CST4: variants seen among roughly 807,000 people sequenced by gnomAD.
CST4 encodes cystatin S.
Under a neutral mutation model 11.2 loss-of-function variants are expected in CST4, and 17 were observed. That is an observed-to-expected ratio of 1.52 (90% CI 1.04 to 2.27). The LOEUF is 2.27. CST4 is among the 30% of genes most tolerant of loss of function. CST4 has a pLI of 0.00. For missense variants in CST4, 251 were observed against 180.2 expected (o/e 1.39, Z -2.25); for synonymous variants, 93 against 70.1 (o/e 1.33, Z -1.63).
intron 2 of CST4, among the ~76,000 whole-genome samples, chr20:23,686,446 C>T (rs1403578102): frequency 6.6e-6 from 1 of 152,182 alleles, no homozygotes; most frequent in Non-Finnish European, 1.5e-5. Flanking sequence ...GGAGACCTCA[C>T]AAGAACCAGC....
At position 23,685,879 on chromosome 20, in the gene CST4, G is replaced by C. The variant is rs771517674; in HGVS notation, c.*15C>G. 15 of 1,613,270 alleles carry C rather than the reference G, an allele frequency of 9.3e-6. No individual in the cohort carries two copies. In the African/African-American group the frequency reaches 1.7e-4, roughly 19 times the overall value. On this transcript the variant is annotated 3_prime_UTR_variant, in exon 3 of 3. Coordinates refer to ENST00000217423, the MANE Select transcript of CST4 (RefSeq NM_001899.3). Reference sequence around the variant, plus strand: ...GAGTGGGTGGTGGTCGGTGTGACTGGCCTGGCACAGACCCCTAGGCTTCTT... The same window carrying C: ...GAGTGGGTGGTGGTCGGTGTGACTGCCCTGGCACAGACCCCTAGGCTTCTT...
At chr20:23,687,859 G>T (rs1282863622) in intron 1 of CST4, among the ~76,000 whole-genome samples, 2 of 152,188 alleles carry the variant, frequency 1.3e-5, no homozygotes, top group Admixed American at 6.5e-5. Context: ...CTGATGGTCT[G>T]CAATGCCCTG....
At chr20:23,686,866 G>T in intron 2 of CST4, among the ~76,000 whole-genome samples, 1 of 151,620 alleles carries the variant, frequency 6.6e-6, no homozygotes, top group Non-Finnish European at 1.5e-5. Context: ...ACACCTACCC[G>T]CACACACTGG....
chr20:23,688,883 T>C lies in CST4; in HGVS notation c.87A>G (p.Ile29Met). The C allele has an allele frequency of 6.2e-7, 1 of 1,614,142 alleles. No homozygotes were observed. Among genetic ancestry groups the C allele is most frequent in the Non-Finnish European group, 8.5e-7 (1 of 1,180,012 alleles). ...LASSSKEENRIIPGGIYDADL... is the reference protein window; with the variant it reads ...LASSSKEENRMIPGGIYDADL... ...CTGCATCATAGATGCCACCTGGGAT[T>C]ATCCTATTCTCCTCCTTGGAGCTCG... is the stretch of plus-strand genomic sequence containing the variant. Residue 29 changes from isoleucine (I) to methionine (M), a missense_variant, in exon 1 of 3, where the codon ATA (isoleucine) becomes ATG (methionine). Coordinates refer to ENST00000217423, the MANE Select transcript of CST4 (RefSeq NM_001899.3).
At position 23,685,931 on chromosome 20, in the gene CST4, C is replaced by T. The variant is rs1419553328; in HGVS notation, c.389G>A (p.Arg130Lys). ...FEIYEVPWED[R>K]MSLVNSRCQE... is the part of the protein sequence containing the mutation. ...ACACCTGGAATTCACCAGGGACATT[C>T]TGTCCTCCCAGGGAACTTCGTAGAT... Residue 130 changes from arginine (R) to lysine (K), a missense_variant, in exon 3 of 3, where the codon AGA becomes AAA. Arg to Lys is a conservative substitution (Grantham distance 26, BLOSUM62 2). Coordinates refer to ENST00000217423, the MANE Select transcript of CST4 (RefSeq NM_001899.3). 1 of 1,614,126 alleles carries T rather than the reference C, an allele frequency of 6.2e-7. No homozygotes were observed. Among genetic ancestry groups the T allele is most frequent in the Non-Finnish European group, 8.5e-7 (1 of 1,179,956 alleles).
chr20:23,685,899 C>A lies in CST4; in HGVS notation c.421G>T (p.Ala141Ser), dbSNP rs138382404. ...MSLVNSRCQE[A>S] ...GACTGGCCTGGCACAGACCCCTAGGCTTCTTGACACCTGGAATTCACCAGG... is the reference window on the plus strand; with the variant it reads ...GACTGGCCTGGCACAGACCCCTAGGATTCTTGACACCTGGAATTCACCAGG... The change falls in exon 3 of 3, where the codon GCC (alanine) becomes TCC (serine). Residue 141 changes from alanine (A) to serine (S), a missense_variant. By Grantham distance (99) the Ala-to-Ser change is moderately conservative. Transcript: ENST00000217423. The A allele has an allele frequency of 1.3e-3, 2,064 of 1,613,976 alleles. 23 individuals carry two copies. The African/African-American group carries it at 0.024, about 19-fold the overall frequency.
Position 23,685,925 on chromosome 20 carries a change from G to T in CST4, c.395C>A (p.Ser132Tyr). ...IYEVPWEDRMSLVNSRCQEA is the reference protein window; with the variant it reads ...IYEVPWEDRMYLVNSRCQEA ...TTCTTGACACCTGGAATTCACCAGG[G>T]ACATTCTGTCCTCCCAGGGAACTTC... The change falls in exon 3 of 3, where the codon TCC (serine) becomes TAC (tyrosine). Residue 132 changes from serine (S) to tyrosine (Y), a missense_variant. Transcript: ENST00000217423. The T allele has an allele frequency of 6.2e-7, 1 of 1,614,110 alleles. No individual in the cohort carries two copies. The highest frequency in any genetic ancestry group is 2.2e-5 in the East Asian group (1 of 44,872).
intron 2 of CST4, among the ~76,000 whole-genome samples, chr20:23,686,869 C>T (rs1981060531): frequency 6.6e-6 from 1 of 152,088 alleles, no homozygotes; most frequent in African/African-American, 2.4e-5. Context: ...CCTACCCGCA[C>T]ACACTGGCAC....
rs1284805282 is a variant in CST4, at chr20:23,685,652, G to A, written c.*242C>T. On this transcript the variant is annotated 3_prime_UTR_variant, in exon 3 of 3. Transcript: ENST00000217423. ...GAACTCAGAGGGAGGCGATGCTACTGTTTAATTGCAGGAGGTGGGGGTGTG... is the reference window on the plus strand; with the variant it reads ...GAACTCAGAGGGAGGCGATGCTACTATTTAATTGCAGGAGGTGGGGGTGTG... 10 of 567,922 alleles carry A rather than the reference G, an allele frequency of 1.8e-5. No individual in the cohort carries two copies. Among genetic ancestry groups the A allele is most frequent in the Non-Finnish European group, 2.8e-5 (9 of 317,296 alleles). 35.2% of individuals were successfully genotyped at this position (567,922 alleles called of 1,614,324 possible).
At chr20:23,686,966 A>G in intron 2 of CST4, 122 bp downstream of exon 2, 1 of 1,041,520 alleles carries the variant, frequency 9.6e-7, no homozygotes, top group Non-Finnish European at 1.5e-6. Flanking sequence ...ATCCATGCAT[A>G]CACGGCTCCC....
At chr20:23,686,933 C>A in intron 2 of CST4, among the ~76,000 whole-genome samples, 155 bp downstream of exon 2, 1 of 152,162 alleles carries the variant, frequency 6.6e-6, no homozygotes, top group Non-Finnish European at 1.5e-5. Context: ...CACACCCCCC[C>A]ATAAGTACAT....
In CST4 at chr20:23,685,743, A is replaced by C; in HGVS notation, c.*151T>G. 1.4e-6 allele frequency: 1 copy of C among 728,016 alleles called. No homozygotes were observed. The allele number at this position is 728,016 out of a possible 1,614,324, so 45.1% of individuals were successfully genotyped here. On this transcript the variant is annotated 3_prime_UTR_variant, in exon 3 of 3. Transcript: ENST00000217423. The stretch of plus-strand genomic sequence containing the variant: ...GGGAGGGCAGAGCGCCCTGCTGAGC[A>C]ACAAAGGACTCCTGCAGCCTTCTCT...
intron 2 of CST4, among the ~76,000 whole-genome samples, chr20:23,686,809 C>A (rs1490132370): frequency 6.6e-6 from 1 of 152,072 alleles, no homozygotes; most frequent in Non-Finnish European, 1.5e-5. Flanking sequence ...ATGTACAAAC[C>A]CCCATACTTC....
chr20:23,688,692 C>G, intron 1 of CST4, 50 bp downstream of exon 1: 1 of 1,577,004 alleles, frequency 6.3e-7, no homozygotes, highest in South Asian at 1.1e-5. Flanking sequence ...GGGGGTCCGG[C>G]AACAAACCAG....
chr20:23,688,471 T>G (rs1162961178), intron 1 of CST4, among the ~76,000 whole-genome samples: 1 of 152,168 alleles, frequency 6.6e-6, no homozygotes, highest in East Asian at 1.9e-4. Flanking sequence ...CATCCACACC[T>G]GCTGGACGCT....
chr20:23,686,555 G>T (rs1382349415), intron 2 of CST4, among the ~76,000 whole-genome samples: 1 of 152,116 alleles, frequency 6.6e-6, no homozygotes, highest in Non-Finnish European at 1.5e-5. Context: ...GGCTTTGGCT[G>T]CATGCAGGTG....
intron 1 of CST4, 82 bp downstream of exon 1, chr20:23,688,660 T>C: frequency 7.8e-7 from 1 of 1,287,516 alleles, no homozygotes; most frequent in Admixed American, 1.8e-5. Context: ...TGTGTCAGTG[T>C]TGATTTGCTT....
chr20:23,686,964 A>G (rs1203584021), intron 2 of CST4, 124 bp downstream of exon 2: 3 of 1,002,786 alleles, frequency 3.0e-6, no homozygotes, highest in Non-Finnish European at 4.7e-6. Flanking sequence ...ACATCCATGC[A>G]TACACGGCTC....
In CST4 at chr20:23,688,893, T is replaced by C. The variant is rs1378221344; in HGVS notation, c.77A>G (p.Glu26Gly). ...GATGCCACCTGGGATTATCCTATTC[T>C]CCTCCTTGGAGCTCGAGGCCAGAGC... ...AGALASSSKE[E>G]NRIIPGGIYD... Residue 26 changes from glutamate to glycine, a missense_variant, in exon 1 of 3, where the codon GAG becomes GGG. Glu to Gly is a moderately conservative substitution (Grantham distance 98). Transcript: ENST00000217423. The C allele has an allele frequency of 6.2e-7, 1 of 1,614,104 alleles. No individual in the cohort carries two copies. The highest frequency in any genetic ancestry group is 1.1e-5 in the South Asian group (1 of 91,084).
Sources: gnomAD v4.1 joint callset for allele counts (sites outside exome capture counted in the v4.1 genomes callset) on GRCh38, gnomAD v4.1.1 for gene constraint, MANE v1.5 for transcripts, NCBI Gene and HGNC (gene_info 2026-07-23, HGNC 2026-07-21) for gene names.